The following IL1RAPL1 variants were observed in gnomAD, a reference collection of about 807,000 sequenced individuals.
IL1RAPL1 encodes interleukin-1 receptor accessory protein-like 1.
IL1RAPL1 carries 3 observed loss-of-function variants against 48.4 expected under a neutral mutation model. That is an observed-to-expected ratio of 0.06 (90% CI 0.03 to 0.16). The LOEUF is 0.16. Among genes scored for constraint, IL1RAPL1 ranks in the 10% least tolerant of loss-of-function variants. IL1RAPL1 has a pLI of 1.00. For missense variants in IL1RAPL1, 349 were observed against 530.6 expected (o/e 0.66, Z 3.36); for synonymous variants, 185 against 187.7 (o/e 0.99, Z 0.12).
chrX:29,107,666 A>G (rs1388702373), intron 2 of IL1RAPL1, among the ~76,000 whole-genome samples: 1 of 112,271 alleles, frequency 8.9e-6, no homozygotes, highest in Non-Finnish European at 1.9e-5. Context: ...AAGGATCCAC[A>G]GAAGGAAGGT....
At chrX:28,847,063 T>G in intron 2 of IL1RAPL1, among the ~76,000 whole-genome samples, 1 of 111,869 alleles carries the variant, frequency 8.9e-6, no homozygotes, top group Admixed American at 9.5e-5. Context: ...TATGTCACAC[T>G]TAGCGACCCC....
At chrX:29,834,182 G>C (rs1334154460) in intron 6 of IL1RAPL1, among the ~76,000 whole-genome samples, 1 of 112,388 alleles carries the variant, frequency 8.9e-6, no homozygotes, top group Non-Finnish European at 1.9e-5. Context: ...CTTGTCATTT[G>C]ACTGCTAAGA....
intron 6 of IL1RAPL1, among the ~76,000 whole-genome samples, chrX:29,915,081 G>A (rs186799545): frequency 2.8e-4 from 31 of 110,754 alleles, no homozygotes; most frequent in African/African-American, 1.0e-3. Context: ...AGATCACGAG[G>A]TCAGTAGTTC....
chrX:29,163,820 A>G (rs956258413), intron 2 of IL1RAPL1, among the ~76,000 whole-genome samples: 1 of 112,084 alleles, frequency 8.9e-6, no homozygotes, highest in Admixed American at 9.5e-5. Context: ...CATAAATGAT[A>G]TTTTCAGCTA....
intron 1 of IL1RAPL1, among the ~76,000 whole-genome samples, chrX:28,635,286 G>A (rs1206636488): frequency 8.9e-6 from 1 of 111,807 alleles, no homozygotes; most frequent in Non-Finnish European, 1.9e-5. Flanking sequence ...AACTGTGGCA[G>A]GCTAACCCAT....
chrX:28,651,590 G>A (rs1404311068), intron 1 of IL1RAPL1, among the ~76,000 whole-genome samples: 1 of 111,881 alleles, frequency 8.9e-6, no homozygotes, highest in Non-Finnish European at 1.9e-5. Flanking sequence ...TCTTCTCAAA[G>A]CAAATTGAAT....
At chrX:28,894,870 C>T (rs1327338188) in intron 2 of IL1RAPL1, among the ~76,000 whole-genome samples, 1 of 110,544 alleles carries the variant, frequency 9.0e-6, no homozygotes, top group Non-Finnish European at 1.9e-5. Context: ...GGAGATTAGC[C>T]GGACACGATC....
intron 2 of IL1RAPL1, among the ~76,000 whole-genome samples, chrX:28,892,893 T>G (rs1922811214): frequency 9.0e-6 from 1 of 111,574 alleles, no homozygotes; most frequent in Non-Finnish European, 1.9e-5. Context: ...ATTAAAGGCC[T>G]AAGAATTGGG....
intron 5 of IL1RAPL1, among the ~76,000 whole-genome samples, chrX:29,427,142 G>A (rs1309009065): frequency 1.8e-5 from 2 of 111,879 alleles, no homozygotes; most frequent in African/African-American, 3.2e-5. Flanking sequence ...GCCCCGTATG[G>A]TTGTTAGGTT....
Position 29,236,545 on chromosome X carries a change from C to CTTTTTTTTTTTTTTTTTTTTT in IL1RAPL1, c.83-46388_83-46368dup, listed in dbSNP as rs754996544. Among the ~76,000 whole-genome samples, 379 of 63,080 alleles carry CTTTTTTTTTTTTTTTTTTTTT rather than the reference C, an allele frequency of 6.0e-3. 1 individual carries two copies. Among genetic ancestry groups the CTTTTTTTTTTTTTTTTTTTTT allele is most frequent in the Middle Eastern group, 8.4e-3 (1 of 119 alleles). 54.8% of individuals were successfully genotyped at this position (63,080 alleles called of 115,157 possible). ...TTTTCCTTTCTTTTTCTTTTTTTTT[C>CTTTTTTTTTTTTTTTTTTTTT]TTTTTTTTTTTTTTTTTTTTTTTTT... On this transcript the variant is annotated intron_variant, in intron 2 of 10. Transcript: ENST00000378993.
intron 2 of IL1RAPL1, among the ~76,000 whole-genome samples, chrX:29,246,434 C>A (rs1931515548): frequency 9.1e-6 from 1 of 110,223 alleles, no homozygotes; most frequent in South Asian, 3.9e-4. Context: ...GTCATGACTT[C>A]AAATTACCAC....
intron 3 of IL1RAPL1, among the ~76,000 whole-genome samples, chrX:29,302,269 A>G (rs1932547691): frequency 8.9e-6 from 1 of 112,212 alleles, no homozygotes; most frequent in Non-Finnish European, 1.9e-5. Context: ...TAGGAATCTT[A>G]TAGTCTTTCA....
At chrX:29,411,667 C>G (rs985110709) in intron 5 of IL1RAPL1, among the ~76,000 whole-genome samples, 1 of 108,278 alleles carries the variant, frequency 9.2e-6, no homozygotes, top group African/African-American at 3.4e-5. Context: ...AGACCACTAG[C>G]TAAACTTATT....
chrX:29,045,498 C>T (rs1197872555), intron 2 of IL1RAPL1, among the ~76,000 whole-genome samples: 6 of 112,000 alleles, frequency 5.4e-5, no homozygotes, highest in African/African-American at 1.9e-4. Flanking sequence ...CATAATCTTG[C>T]TCTGTCACCC....
At chrX:29,618,443 G>C in intron 5 of IL1RAPL1, among the ~76,000 whole-genome samples, 1 of 111,986 alleles carries the variant, frequency 8.9e-6, no homozygotes, top group Non-Finnish European at 1.9e-5. Flanking sequence ...TTCATGTCTG[G>C]AAGTCAGCAG....
At chrX:29,393,111 A>T (rs188974088) in intron 3 of IL1RAPL1, among the ~76,000 whole-genome samples, 6 of 111,420 alleles carry the variant, frequency 5.4e-5, no homozygotes, top group African/African-American at 2.0e-4. Context: ...AAGCCAAAGG[A>T]GCCAAGTAAC....
chrX:29,425,189 A>C (rs1202600682), intron 5 of IL1RAPL1, among the ~76,000 whole-genome samples: 4 of 112,173 alleles, frequency 3.6e-5, no homozygotes, highest in Non-Finnish European at 7.5e-5. Flanking sequence ...CATTTTTCAC[A>C]TTCCAAAATA....
At position 29,088,999 on chromosome X, in the gene IL1RAPL1, G is replaced by T. The variant is rs772610743; in HGVS notation, c.83-193939G>T. Among the ~76,000 whole-genome samples the T allele has an allele frequency of 2.8e-4, 31 of 111,423 alleles. No individual in the cohort carries two copies. In the South Asian group the frequency reaches 0.011, roughly 40 times the overall value. ...GAAAAAAATGTTTCCTGGAGAAAAT[G>T]AGAACAGTCCTACCTTTAAGCAAAT... On this transcript the variant is annotated intron_variant, in intron 2 of 10. Coordinates refer to ENST00000378993, the MANE Select transcript of IL1RAPL1 (RefSeq NM_014271.4).
chrX:28,830,665 A>G (rs1921020533), intron 2 of IL1RAPL1, among the ~76,000 whole-genome samples: 1 of 110,857 alleles, frequency 9.0e-6, no homozygotes, highest in Non-Finnish European at 1.9e-5. Flanking sequence ...TGCAACAGTT[A>G]TTATTGATGG....
Sources: allele counts gnomAD v4.1 joint callset (sites outside exome capture counted in the v4.1 genomes callset), GRCh38; gene constraint gnomAD v4.1.1; transcripts MANE v1.5; gene names NCBI Gene and HGNC (gene_info 2026-07-23, HGNC 2026-07-21).